Variants in OTOGL observed in about 807,000 individuals in gnomAD.
The protein encoded by OTOGL is otogelin like, also known as otogelin-like protein.
Under a neutral mutation model 318.5 loss-of-function variants are expected in OTOGL, and 285 were observed. That is an observed-to-expected ratio of 0.89 (90% CI 0.81 to 0.99). The LOEUF is 0.99. Among genes scored for constraint, OTOGL ranks in the 50% least tolerant of loss-of-function variants. The probability of loss-of-function intolerance (pLI) is 0.00; values close to 1 mark genes in which losing one functional copy is unlikely to be tolerated. For missense variants in OTOGL, 2,899 were observed against 2,845.6 expected, an observed-to-expected ratio of 1.02 and a Z score of -0.43; for synonymous variants, 987 against 936.5, an observed-to-expected ratio of 1.05 and a Z score of -0.99.
chr12:80,260,127 C>T (rs1427942394), intron 18 of OTOGL, among the ~76,000 whole-genome samples: 2 of 151,972 alleles, frequency 1.3e-5, no homozygotes, highest in South Asian at 2.1e-4. Context: ...GTTAATTGAA[C>T]TGAGGTAGAA....
At chr12:80,306,171 G>T (rs1886092387) in intron 29 of OTOGL, among the ~76,000 whole-genome samples, 1 of 152,090 alleles carries the variant, frequency 6.6e-6, no homozygotes, top group Admixed American at 6.5e-5. Flanking sequence ...GGTGGATTGT[G>T]GTCAACTACC....
intron 52 of OTOGL, chr12:80,366,317 C>A (rs1406333001): frequency 4.4e-6 from 2 of 454,582 alleles, no homozygotes; most frequent in South Asian, 3.1e-5. Flanking sequence ...CTTGGTAGAG[C>A]AGATCAAGAA....
chr12:80,128,901 AG>A (rs1871050386), intron 1 of OTOGL, among the ~76,000 whole-genome samples: 1 of 152,172 alleles, frequency 6.6e-6, no homozygotes, highest in Admixed American at 6.5e-5. Flanking sequence ...GCACAGTATT[AG>A]GGTGGGAGTG....
At chr12:80,282,626 GCCTGTT>G (rs1383331652) in intron 26 of OTOGL, among the ~76,000 whole-genome samples, 1 of 151,594 alleles carries the variant, frequency 6.6e-6, no homozygotes, top group Admixed American at 6.6e-5. Context: ...CTTTGAACAA[GCCTGTT>G]TTAGCAAACA....
chr12:80,302,253 G>A (rs1054526540), intron 27 of OTOGL, among the ~76,000 whole-genome samples: 3 of 152,120 alleles, frequency 2.0e-5, no homozygotes, highest in South Asian at 2.1e-4. Context: ...TCTCTTTTGC[G>A]GGCAAGGCCA....
chr12:80,307,638 A>AC (rs1344616486), intron 29 of OTOGL, among the ~76,000 whole-genome samples: 1 of 117,708 alleles, frequency 8.5e-6, no homozygotes, highest in Non-Finnish European at 1.7e-5. Flanking sequence ...TCCCTCCTGG[A>AC]TGGGACGGCT....
At chr12:80,105,387 G>C (rs776933591) in intron 1 of OTOGL, among the ~76,000 whole-genome samples, 2 of 152,058 alleles carry the variant, frequency 1.3e-5, no homozygotes, top group African/African-American at 4.8e-5. Context: ...CCTGCCTAAG[G>C]TCACACAGCT....
At chr12:80,112,088 C>T (rs1213296352) in intron 1 of OTOGL, among the ~76,000 whole-genome samples, 1 of 152,146 alleles carries the variant, frequency 6.6e-6, no homozygotes, top group Non-Finnish European at 1.5e-5. Flanking sequence ...GATTTTTGCA[C>T]ATTGATTTTG....
At chr12:80,253,824 T>C (rs1881790286) in intron 14 of OTOGL, among the ~76,000 whole-genome samples, 1 of 152,256 alleles carries the variant, frequency 6.6e-6, no homozygotes, top group South Asian at 2.1e-4. Flanking sequence ...CATTTTCTTA[T>C]CGTTTGTAAT....
intron 44 of OTOGL, 30 bp from the exon 45 acceptor site, chr12:80,352,265 A>G (rs778836474): frequency 1.3e-6 from 2 of 1,582,820 alleles, no homozygotes; most frequent in Non-Finnish European, 8.6e-7. Context: ...AAAACAATAT[A>G]ACTTATTTCA....
intron 52 of OTOGL, chr12:80,361,231 G>T (rs1038802309): frequency 6.6e-6 from 1 of 151,966 alleles, no homozygotes; most frequent in Non-Finnish European, 1.5e-5. Flanking sequence ...AGATTATGTG[G>T]TATTTGTCTT....
rs369047284 is a variant in OTOGL, at chr12:80,110,829, C to T, written c.-20+11224C>T. On this transcript the variant is annotated intron_variant, in intron 1 of 58. Transcript: ENST00000547103. The stretch of plus-strand genomic sequence containing the variant: ...TCTAGATCTTTGAGGAATCGCCACA[C>T]TGTCTTCCACAATGGTTGAACTAAT... Among the ~76,000 whole-genome samples, 49 of 152,338 alleles carry T rather than the reference C, an allele frequency of 3.2e-4. No homozygotes were observed. The South Asian group carries it at 4.1e-3, about 13-fold the overall frequency.
chr12:80,207,630 G>C (rs1192588155), intron 1 of OTOGL, among the ~76,000 whole-genome samples: 6 of 152,104 alleles, frequency 3.9e-5, no homozygotes, highest in Non-Finnish European at 8.8e-5. Flanking sequence ...AACTGTGAAG[G>C]CAAGAGAAAC....
intron 6 of OTOGL, 31 bp downstream of exon 6, chr12:80,219,943 A>G (rs1878143293): frequency 4.1e-6 from 6 of 1,451,254 alleles, no homozygotes; most frequent in East Asian, 4.6e-5. Context: ...TGAGATAATT[A>G]TGAGATACCA....
intron 44 of OTOGL, among the ~76,000 whole-genome samples, chr12:80,350,924 G>A (rs1257025755): frequency 2.6e-5 from 4 of 152,034 alleles, no homozygotes; most frequent in East Asian, 3.9e-4. Flanking sequence ...CCCATGTGTC[G>A]ATTTTTTCTT....
intron 1 of OTOGL, among the ~76,000 whole-genome samples, chr12:80,112,574 T>C (rs899868688): frequency 6.6e-6 from 1 of 152,194 alleles, no homozygotes; most frequent in Admixed American, 6.5e-5. Context: ...TGAACCAGCC[T>C]TGTATCCCAG....
intron 52 of OTOGL, among the ~76,000 whole-genome samples, chr12:80,360,903 A>T (rs746328273): frequency 6.6e-6 from 1 of 152,118 alleles, no homozygotes; most frequent in South Asian, 2.1e-4. Context: ...GTACATGTTA[A>T]TTCAAAATAT....
intron 30 of OTOGL, 24 bp from the exon 31 acceptor site, chr12:80,313,452 G>A (rs1216010965): frequency 1.3e-6 from 2 of 1,579,040 alleles, no homozygotes; most frequent in Non-Finnish European, 1.7e-6. Flanking sequence ...TTGAAATTAA[G>A]TAATCTTTCA....
intron 26 of OTOGL, among the ~76,000 whole-genome samples, chr12:80,280,484 G>A (rs12830062): frequency 0.027 from 4,175 of 151,952 alleles, 165 homozygotes; most frequent in Admixed American, 0.1. Context: ...TTAATGCAAG[G>A]AAATGTTCCA....
Sources: allele counts gnomAD v4.1 joint callset (sites outside exome capture counted in the v4.1 genomes callset), GRCh38; gene constraint gnomAD v4.1.1; transcripts MANE v1.5; gene names NCBI Gene and HGNC (gene_info 2026-07-23, HGNC 2026-07-21).